Variants in USP10 observed in about 807,000 individuals in gnomAD.
USP10 encodes the protein ubiquitin specific peptidase 10.
Under a neutral mutation model 84.5 loss-of-function variants are expected in USP10, and 22 were observed. The ratio of observed to expected loss-of-function variants is 0.26; its 90% CI spans 0.19 to 0.37. The LOEUF (loss-of-function observed/expected upper bound fraction) is 0.37, where lower values mean the gene tolerates loss of function less well. Ranked by LOEUF, USP10 falls within the 10% of genes least tolerant of loss-of-function variation. USP10 has a pLI of 1.00. For synonymous variants in USP10, 454 were observed against 387.6 expected, an observed-to-expected ratio of 1.17 and a Z score of -2.01; for missense variants, 1,019 against 998.9, an observed-to-expected ratio of 1.02 and a Z score of -0.27.
At chr16:84,750,182 T>C (rs61143707) in intron 4 of USP10, among the ~76,000 whole-genome samples, 4,901 of 152,118 alleles carry the variant, frequency 0.032, 239 homozygotes, top group African/African-American at 0.11. Context: ...TTGAGGTGGG[T>C]GGATCCCTTG....
chr16:84,708,988 GGTGGTAATTCCT>G (rs1469648542), intron 1 of USP10: 1 of 152,158 alleles, frequency 6.6e-6, no homozygotes, highest in African/African-American at 2.4e-5. Context: ...CCAGTTTTAG[GGTGGTAATTCCT>G]GTAACACAAG....
chr16:84,733,342 G>A, intron 1 of USP10, 93 bp from the exon 2 acceptor site: 1 of 994,764 alleles, frequency 1.0e-6, no homozygotes. Flanking sequence ...TGGCCCAAAT[G>A]TTGCATAGGA....
At position 84,779,105 on chromosome 16, in the gene USP10, G is replaced by T. The variant is rs769730257; in HGVS notation, c.*23G>T. ...TAAACCCTGTGTGCGCTGTGTGTGC[G>T]CCCAGTGCCCGCTTCGTAGGACACC... On this transcript the variant is annotated 3_prime_UTR_variant, in exon 14 of 14. Coordinates refer to ENST00000219473, the MANE Select transcript of USP10 (RefSeq NM_005153.3). 4 of 1,596,316 alleles carry T rather than the reference G, an allele frequency of 2.5e-6. No individual in the cohort carries two copies. The highest frequency in any genetic ancestry group is 3.4e-6 in the Non-Finnish European group (4 of 1,166,366).
At chr16:84,710,427 A>G (rs974304232) in intron 1 of USP10, among the ~76,000 whole-genome samples, 1 of 152,044 alleles carries the variant, frequency 6.6e-6, no homozygotes, top group African/African-American at 2.4e-5. Context: ...CATAACTTTG[A>G]GGGGAAAGAA....
At chr16:84,714,643 T>C (rs1906764378) in intron 1 of USP10, among the ~76,000 whole-genome samples, 1 of 152,104 alleles carries the variant, frequency 6.6e-6, no homozygotes, top group African/African-American at 2.4e-5. Context: ...AAAATGGTAA[T>C]GTTTGGCAGG....
At chr16:84,706,804 T>A (rs1412862766) in intron 1 of USP10, among the ~76,000 whole-genome samples, 1 of 151,954 alleles carries the variant, frequency 6.6e-6, no homozygotes, top group Non-Finnish European at 1.5e-5. Flanking sequence ...CCTCCCAGAG[T>A]GCTGGGATTA....
chr16:84,746,870 T>C (rs1237303199), intron 4 of USP10, among the ~76,000 whole-genome samples: 1 of 152,268 alleles, frequency 6.6e-6, no homozygotes, highest in Non-Finnish European at 1.5e-5. Flanking sequence ...ATGAGAACAT[T>C]TAGCTTAAAA....
At chr16:84,734,148 T>C (rs1028031259) in intron 2 of USP10, among the ~76,000 whole-genome samples, 3 of 152,198 alleles carry the variant, frequency 2.0e-5, no homozygotes, top group Non-Finnish European at 1.5e-5. Flanking sequence ...GGAATGGAAT[T>C]ACTGGGTTCT....
At chr16:84,723,919 G>A (rs576285756) in intron 1 of USP10, among the ~76,000 whole-genome samples, 1 of 152,288 alleles carries the variant, frequency 6.6e-6, no homozygotes, top group South Asian at 2.1e-4. Context: ...AGATAGAACT[G>A]CTTCTGTTAC....
intron 1 of USP10, among the ~76,000 whole-genome samples, chr16:84,718,664 G>C (rs1029673879): frequency 4.0e-5 from 6 of 151,776 alleles, no homozygotes; most frequent in Non-Finnish European, 8.8e-5. Flanking sequence ...GCTGAGGCAG[G>C]AGAATTGCTT....
intron 1 of USP10, among the ~76,000 whole-genome samples, chr16:84,721,243 C>T (rs1907768923): frequency 6.6e-6 from 1 of 152,138 alleles, no homozygotes; most frequent in East Asian, 1.9e-4. Flanking sequence ...GGTCTTTGGA[C>T]CAAGGAATGT....
intron 13 of USP10, among the ~76,000 whole-genome samples, chr16:84,775,807 G>A (rs1051988051): frequency 6.6e-6 from 1 of 152,180 alleles, no homozygotes; most frequent in African/African-American, 2.4e-5. Flanking sequence ...TAGGCTCCCT[G>A]CAGTATCATT....
intron 1 of USP10, among the ~76,000 whole-genome samples, chr16:84,701,251 T>A (rs74032916): frequency 0.035 from 5,335 of 152,304 alleles, 109 homozygotes; most frequent in African/African-American, 0.054. Context: ...GAAAACTTTT[T>A]AAAAAATTAG....
intron 10 of USP10, among the ~76,000 whole-genome samples, chr16:84,764,676 C>T (rs569954474): frequency 5.5e-4 from 83 of 152,118 alleles, no homozygotes; most frequent in African/African-American, 1.9e-3. Flanking sequence ...ACTAAAAATA[C>T]AAAAATCAAC....
rs1555541026 is a variant in USP10, at chr16:84,735,196, G to GATGTGTGTGTGT, written c.90+1693_90+1694insATGTGTGTGTGT. On this transcript the variant is annotated intron_variant, in intron 2 of 13. Coordinates refer to ENST00000219473, the MANE Select transcript of USP10 (RefSeq NM_005153.3). ...CAGGTGTGTGCTGCCAGGCCCGGGT[G>GATGTGTGTGTGT]GTGTGTGTGTGTGTGTGTGTGTGTG... Among the ~76,000 whole-genome samples the GATGTGTGTGTGT allele has an allele frequency of 1.1e-3, 165 of 146,376 alleles. 1 individual carries two copies. Among genetic ancestry groups the GATGTGTGTGTGT allele is most frequent in the East Asian group, 9.9e-3 (50 of 5,030 alleles).
At chr16:84,751,075 C>G (rs574660334) in intron 4 of USP10, among the ~76,000 whole-genome samples, 1 of 152,174 alleles carries the variant, frequency 6.6e-6, no homozygotes, top group African/African-American at 2.4e-5. Context: ...ACCGCATGTA[C>G]GACAGTGGTC....
At chr16:84,733,594 C>A in intron 2 of USP10, 91 bp downstream of exon 2, 2 of 967,228 alleles carry the variant, frequency 2.1e-6, no homozygotes, top group Non-Finnish European at 3.0e-6. Context: ...ATAAAGAATT[C>A]CAATGTAGAG....
At chr16:84,731,372 A>G (rs890189449) in intron 1 of USP10, among the ~76,000 whole-genome samples, 1 of 151,938 alleles carries the variant, frequency 6.6e-6, no homozygotes, top group Non-Finnish European at 1.5e-5. Flanking sequence ...TATTGATATT[A>G]AACAAAACAG....
At chr16:84,743,031 G>T (rs770881515) in intron 3 of USP10, among the ~76,000 whole-genome samples, 13 of 152,106 alleles carry the variant, frequency 8.5e-5, no homozygotes, top group East Asian at 5.8e-4. Flanking sequence ...GGAGCCTTCC[G>T]CCCCAGGCAC....
Sources: gnomAD v4.1 joint callset for allele counts (sites outside exome capture counted in the v4.1 genomes callset) on GRCh38, gnomAD v4.1.1 for gene constraint, MANE v1.5 for transcripts, NCBI Gene and HGNC (gene_info 2026-07-23, HGNC 2026-07-21) for gene names.